The following PDE4D variants were observed in gnomAD, a reference collection of about 807,000 sequenced individuals.
The protein encoded by PDE4D is phosphodiesterase 4D.
A neutral mutation model predicts 87.4 loss-of-function variants in PDE4D; 24 were observed. That is an observed-to-expected ratio of 0.27 (90% CI 0.20 to 0.39). PDE4D has a LOEUF of 0.39. Ranked by LOEUF, PDE4D falls within the 10% of genes least tolerant of loss-of-function variation. The pLI, the probability that PDE4D is intolerant of heterozygous loss-of-function variation, is 1.00. For missense variants in PDE4D, 714 were observed against 1,041.0 expected (o/e 0.69, Z 4.32); for synonymous variants, 384 against 383.2 (o/e 1.00, Z -0.02).
chr5:60,511,005 T>C (rs990238114), intron 1 of PDE4D, among the ~76,000 whole-genome samples: 2 of 152,188 alleles, frequency 1.3e-5, no homozygotes, highest in African/African-American at 4.8e-5. Context: ...AGTCTTGCAC[T>C]GTCGCCCAGG....
intron 2 of PDE4D, among the ~76,000 whole-genome samples, chr5:60,095,020 A>G (rs1017604722): frequency 3.9e-5 from 6 of 152,108 alleles, no homozygotes; most frequent in Admixed American, 2.0e-4. Flanking sequence ...TACATAATAT[A>G]ATTTTTTAAC....
intron 5 of PDE4D, among the ~76,000 whole-genome samples, chr5:59,149,480 C>T (rs1296673834): frequency 1.3e-5 from 2 of 152,114 alleles, no homozygotes; most frequent in East Asian, 3.9e-4. Flanking sequence ...ATTAAAAATA[C>T]CACAAGGGAA....
At chr5:59,942,709 T>C (rs992251175) in intron 3 of PDE4D, among the ~76,000 whole-genome samples, 4 of 151,914 alleles carry the variant, frequency 2.6e-5, no homozygotes, top group Admixed American at 2.0e-4. Flanking sequence ...ATTGGTAAAA[T>C]GGGAACAAGA....
intron 1 of PDE4D, among the ~76,000 whole-genome samples, chr5:60,497,393 CT>C (rs368387924): frequency 7.3e-5 from 11 of 150,936 alleles, no homozygotes; most frequent in African/African-American, 2.4e-4. Flanking sequence ...TTTTGTCTTT[CT>C]TTTTTTTTGT....
At chr5:59,637,849 T>C (rs1444618408) in intron 1 of PDE4D, among the ~76,000 whole-genome samples, 1 of 152,150 alleles carries the variant, frequency 6.6e-6, no homozygotes, top group Non-Finnish European at 1.5e-5. Flanking sequence ...TCAATACTTC[T>C]GTTGAAAGCC....
intron 3 of PDE4D, chr5:59,988,272 A>C (rs1762645454): frequency 2.1e-6 from 1 of 471,992 alleles, no homozygotes; most frequent in African/African-American, 1.9e-5. Flanking sequence ...TCACCAATAC[A>C]TTTTCAGCTC....
chr5:59,688,818 C>T (rs1750375140), intron 1 of PDE4D, among the ~76,000 whole-genome samples: 1 of 151,614 alleles, frequency 6.6e-6, no homozygotes, highest in Non-Finnish European at 1.5e-5. Flanking sequence ...ATTGACGGAC[C>T]ACTAGCAAGA....
chr5:58,973,877 A>C lies in PDE4D; in HGVS notation c.*787T>G, dbSNP rs1436203527. On this transcript the variant is annotated 3_prime_UTR_variant, in exon 15 of 15. Coordinates refer to ENST00000340635, the MANE Select transcript of PDE4D (RefSeq NM_001104631.2). ...CATTGGTATATAAAACAAACAATGA[A>C]TCACTACAAATCAGTTAATTGCTAT... 3 of 152,652 alleles carry C rather than the reference A, an allele frequency of 2.0e-5. No individual in the cohort carries two copies. The highest frequency in any genetic ancestry group is 3.8e-4 in the East Asian group (2 of 5,202). 9.5% of individuals were successfully genotyped at this position (152,652 alleles called of 1,614,324 possible).
chr5:59,493,916 C>T (rs1477615183), intron 1 of PDE4D, among the ~76,000 whole-genome samples: 1 of 152,154 alleles, frequency 6.6e-6, no homozygotes, highest in Non-Finnish European at 1.5e-5. Flanking sequence ...GTGATCTAAT[C>T]ACATCTGACC....
At chr5:60,169,389 G>A (rs1017076290) in intron 2 of PDE4D, among the ~76,000 whole-genome samples, 2 of 152,000 alleles carry the variant, frequency 1.3e-5, no homozygotes, top group African/African-American at 4.8e-5. Context: ...TTTATATACT[G>A]TTTAGGAGTT....
At chr5:60,474,940 A>G (rs1460787278) in intron 1 of PDE4D, among the ~76,000 whole-genome samples, 1 of 152,156 alleles carries the variant, frequency 6.6e-6, no homozygotes, top group East Asian at 1.9e-4. Context: ...TGCAGGTTAG[A>G]GCTTCTCCAG....
intron 1 of PDE4D, among the ~76,000 whole-genome samples, chr5:60,235,403 C>G (rs1193165145): frequency 6.6e-6 from 1 of 151,682 alleles, no homozygotes; most frequent in Non-Finnish European, 1.5e-5. Context: ...ATAATAAAAC[C>G]TCCCGAAGTA....
At chr5:59,032,895 C>A (rs1452401531) in intron 6 of PDE4D, among the ~76,000 whole-genome samples, 1 of 152,076 alleles carries the variant, frequency 6.6e-6, no homozygotes, top group Non-Finnish European at 1.5e-5. Context: ...AGCGGTAAGG[C>A]CTATTGCCCA....
At chr5:59,550,119 T>A (rs1348857195) in intron 1 of PDE4D, among the ~76,000 whole-genome samples, 1 of 152,020 alleles carries the variant, frequency 6.6e-6, no homozygotes, top group South Asian at 2.1e-4. Context: ...TGACTATATA[T>A]TTTTTATTAT....
At chr5:59,449,963 C>T (rs1371404617) in intron 1 of PDE4D, among the ~76,000 whole-genome samples, 1 of 152,204 alleles carries the variant, frequency 6.6e-6, no homozygotes, top group Non-Finnish European at 1.5e-5. Context: ...CAAGGGCACA[C>T]ATATCTCTAC....
intron 2 of PDE4D, among the ~76,000 whole-genome samples, chr5:60,082,414 CTG>C (rs59122525): frequency 0.14 from 21,025 of 152,146 alleles, 1,495 homozygotes; most frequent in Middle Eastern, 0.22. Context: ...GCCTCCAAAA[CTG>C]TGAGATAAAT....
intron 1 of PDE4D, among the ~76,000 whole-genome samples, chr5:59,362,506 A>T (rs1028255712): frequency 2.2e-5 from 3 of 136,406 alleles, no homozygotes; most frequent in Non-Finnish European, 3.4e-5. Context: ...TGTTTACAAG[A>T]TCTAAAAAAA....
intron 5 of PDE4D, chr5:59,040,174 G>A (rs1396804061): frequency 6.6e-6 from 1 of 152,236 alleles, no homozygotes; most frequent in Non-Finnish European, 1.5e-5. Context: ...GCAGGGTTGT[G>A]GGAATTAAGA....
chr5:60,064,563 T>C (rs1055644847), intron 2 of PDE4D, among the ~76,000 whole-genome samples: 3 of 152,154 alleles, frequency 2.0e-5, no homozygotes, highest in East Asian at 3.9e-4. Context: ...TAAAATGTAA[T>C]ATTTTCTGAT....
Sources: gnomAD v4.1 joint callset for allele counts (sites outside exome capture counted in the v4.1 genomes callset) on GRCh38, gnomAD v4.1.1 for gene constraint, MANE v1.5 for transcripts, NCBI Gene and HGNC (gene_info 2026-07-23, HGNC 2026-07-21) for gene names.